TRPC5: variants seen among roughly 807,000 people sequenced by gnomAD.
TRPC5 encodes short transient receptor potential channel 5.
Under a neutral mutation model 56.5 loss-of-function variants are expected in TRPC5, and 9 were observed. That is an observed-to-expected ratio of 0.16 (90% CI 0.10 to 0.28). The LOEUF (loss-of-function observed/expected upper bound fraction) is 0.28. TRPC5 is among the 10% of genes least tolerant of loss of function. TRPC5 has a pLI of 1.00. For synonymous variants in TRPC5, 282 were observed against 278.5 expected (o/e 1.01, Z -0.13); for missense variants, 469 against 748.9 (o/e 0.63, Z 4.36).
At chrX:111,905,931 AG>A (rs201225233) in intron 3 of TRPC5, among the ~76,000 whole-genome samples, 13 of 105,016 alleles carry the variant, frequency 1.2e-4, no homozygotes, top group African/African-American at 4.0e-4. Flanking sequence ...AAAAAAAAAA[AG>A]AAAGAAAGAA....
At chrX:111,955,070 A>T (rs894504176) in intron 1 of TRPC5, among the ~76,000 whole-genome samples, 1 of 111,830 alleles carries the variant, frequency 8.9e-6, no homozygotes, top group Non-Finnish European at 1.9e-5. Flanking sequence ...TAGTGAAGAG[A>T]GACAACAGTA....
At chrX:112,017,304 C>T (rs1254666933) in intron 1 of TRPC5, among the ~76,000 whole-genome samples, 3 of 111,133 alleles carry the variant, frequency 2.7e-5, no homozygotes, top group Non-Finnish European at 3.8e-5. Flanking sequence ...TGAGCCACCG[C>T]GCCCAGCCAC....
intron 7 of TRPC5, among the ~76,000 whole-genome samples, chrX:111,784,452 A>G (rs181323625): frequency 3.6e-5 from 4 of 111,724 alleles, no homozygotes; most frequent in Non-Finnish European, 7.5e-5. Flanking sequence ...GAGTGGGGGC[A>G]TTACAAGATG....
chrX:112,043,447 G>A lies in TRPC5; in HGVS notation c.-22+38432C>T, dbSNP rs918472037. The stretch of plus-strand genomic sequence containing the variant: ...CTAGCAGCATTCCCCTTCCTAACAC[G>A]TATTTCCAAAAGTAGCTACTGGCTT... On this transcript the variant is annotated intron_variant, in intron 1 of 10. Transcript: ENST00000262839. 3.6e-5 allele frequency among the ~76,000 whole-genome samples: 4 copies of A among 111,183 alleles called. No individual in the cohort carries two copies. The South Asian group carries it at 1.1e-3, about 32-fold the overall frequency.
chrX:111,991,199 C>T (rs760864295), intron 1 of TRPC5, among the ~76,000 whole-genome samples: 1 of 109,311 alleles, frequency 9.1e-6, no homozygotes, highest in African/African-American at 3.5e-5. Flanking sequence ...TTGTTATACT[C>T]ATTCCTGCCG....
At chrX:111,950,211 G>A (rs1383237741) in intron 2 of TRPC5, among the ~76,000 whole-genome samples, 3 of 110,454 alleles carry the variant, frequency 2.7e-5, no homozygotes, top group Non-Finnish European at 5.7e-5. Context: ...TGTAGTCCCA[G>A]CTACTCGGGA....
At chrX:112,050,235 T>A (rs1487002983) in intron 1 of TRPC5, among the ~76,000 whole-genome samples, 1 of 112,605 alleles carries the variant, frequency 8.9e-6, no homozygotes, top group East Asian at 2.8e-4. Context: ...TGCTTTGTTA[T>A]CCCAGCATTT....
intron 1 of TRPC5, among the ~76,000 whole-genome samples, chrX:111,957,514 GA>G (rs1242773639): frequency 8.9e-6 from 1 of 111,766 alleles, no homozygotes; most frequent in Non-Finnish European, 1.9e-5. Context: ...TACAGATAAG[GA>G]ACCTGAAGCA....
intron 7 of TRPC5, among the ~76,000 whole-genome samples, chrX:111,807,213 C>G (rs1369952391): frequency 9.0e-6 from 1 of 111,267 alleles, no homozygotes; most frequent in African/African-American, 3.3e-5. Context: ...TTAGCTTTGC[C>G]CTTTTGAGGC....
At chrX:111,966,512 C>T (rs1211986510) in intron 1 of TRPC5, among the ~76,000 whole-genome samples, 1 of 111,624 alleles carries the variant, frequency 9.0e-6, no homozygotes, top group Non-Finnish European at 1.9e-5. Context: ...CAAAGCCGGG[C>T]AGAGACACAA....
At chrX:111,950,140 C>T (rs752948704) in intron 2 of TRPC5, among the ~76,000 whole-genome samples, 7 of 110,936 alleles carry the variant, frequency 6.3e-5, no homozygotes, top group South Asian at 3.9e-4. Flanking sequence ...CTGGCTAACA[C>T]AGTGAAACCC....
intron 1 of TRPC5, among the ~76,000 whole-genome samples, chrX:112,079,382 G>C (rs1184880167): frequency 8.9e-6 from 1 of 112,194 alleles, no homozygotes; most frequent in African/African-American, 3.2e-5. Flanking sequence ...ATTGTAAGGA[G>C]AGAAATGAGA....
At chrX:111,982,188 T>C (rs1928101045) in intron 1 of TRPC5, among the ~76,000 whole-genome samples, 1 of 112,205 alleles carries the variant, frequency 8.9e-6, no homozygotes, top group East Asian at 2.8e-4. Flanking sequence ...AGTCATAAAT[T>C]ACCCAGTCTC....
intron 3 of TRPC5, among the ~76,000 whole-genome samples, chrX:111,867,416 T>G (rs778517350): frequency 1.2e-4 from 13 of 111,962 alleles, no homozygotes; most frequent in African/African-American, 4.2e-4. Context: ...AAGAAAAGGC[T>G]GCGGTGAATA....
At chrX:111,985,555 AG>A (rs1425861507) in intron 1 of TRPC5, among the ~76,000 whole-genome samples, 1 of 112,173 alleles carries the variant, frequency 8.9e-6, no homozygotes, top group African/African-American at 3.2e-5. Context: ...TCAGTGTATC[AG>A]GGTCCTTCCT....
At position 111,774,362 on chromosome X, in the gene TRPC5, A is replaced by G. The variant is rs1021308946; in HGVS notation, c.*1951T>C. The G allele has an allele frequency of 8.9e-6, 1 of 112,096 alleles. No individual in the cohort carries two copies. The highest frequency in any genetic ancestry group is 1.9e-5 in the Non-Finnish European group (1 of 53,200). 9.2% of individuals were successfully genotyped at this position (112,096 alleles called of 1,213,427 possible). On this transcript the variant is annotated 3_prime_UTR_variant, in exon 11 of 11. Transcript: ENST00000262839. ...TGTAGCCCAGGTTCTATTATTATTCAAAGTGAATTTGACAATTTGAAAAGC... is the reference window on the plus strand; with the variant it reads ...TGTAGCCCAGGTTCTATTATTATTCGAAGTGAATTTGACAATTTGAAAAGC...
chrX:112,062,194 G>A (rs1027049058), intron 1 of TRPC5, among the ~76,000 whole-genome samples: 1 of 111,573 alleles, frequency 9.0e-6, no homozygotes, highest in Non-Finnish European at 1.9e-5. Context: ...TTTCTGACTG[G>A]AAATATGCTG....
chrX:111,788,583 GAAAT>G (rs1945989877), intron 7 of TRPC5, among the ~76,000 whole-genome samples: 1 of 111,729 alleles, frequency 9.0e-6, no homozygotes, highest in Non-Finnish European at 1.9e-5. Context: ...GCAAGAGAAA[GAAAT>G]AAAGGATATT....
intron 1 of TRPC5, among the ~76,000 whole-genome samples, chrX:111,967,194 CAGAG>C: frequency 9.0e-6 from 1 of 111,569 alleles, no homozygotes; most frequent in African/African-American, 3.3e-5. Context: ...AACAGACAAA[CAGAG>C]AGCCAAATCA....
Sources: gnomAD v4.1 joint callset for allele counts (sites outside exome capture counted in the v4.1 genomes callset) on GRCh38, gnomAD v4.1.1 for gene constraint, MANE v1.5 for transcripts, NCBI Gene and HGNC (gene_info 2026-07-23, HGNC 2026-07-21) for gene names.